The following ITGB6 variants were observed in gnomAD, a reference collection of about 807,000 sequenced individuals.
The protein encoded by ITGB6 is integrin beta-6.
ITGB6 carries 80 observed loss-of-function variants against 84.5 expected under a neutral mutation model. The observed-to-expected ratio is 0.95, with a 90% CI of 0.79 to 1.14. The LOEUF is 1.14. Ranked by LOEUF, ITGB6 falls within the 50% of genes most tolerant of loss-of-function variation. ITGB6 has a pLI of 0.00. For synonymous variants in ITGB6, 383 were observed against 354.9 expected (o/e 1.08, Z -0.89); for missense variants, 1,006 against 968.0 (o/e 1.04, Z -0.52).
chr2:160,152,477 C>A (rs1684464289), intron 7 of ITGB6, among the ~76,000 whole-genome samples: 1 of 152,194 alleles, frequency 6.6e-6, no homozygotes, highest in African/African-American at 2.4e-5. Context: ...TATGACAAAC[C>A]CACAGCCAAT....
intron 4 of ITGB6, among the ~76,000 whole-genome samples, chr2:160,174,408 C>G (rs563248077): frequency 1.3e-5 from 2 of 152,082 alleles, no homozygotes; most frequent in South Asian, 4.2e-4. Context: ...GGTGATCAGA[C>G]TCCAGTGTGT....
chr2:160,115,195 C>T (rs1682711577), intron 12 of ITGB6, among the ~76,000 whole-genome samples: 2 of 152,248 alleles, frequency 1.3e-5, no homozygotes, highest in Non-Finnish European at 2.9e-5. Context: ...GGCAGACTGC[C>T]TCCTCAAGTG....
At chr2:160,180,831 A>G (rs773535556) in intron 4 of ITGB6, among the ~76,000 whole-genome samples, 2 of 152,334 alleles carry the variant, frequency 1.3e-5, no homozygotes, top group Admixed American at 1.3e-4. Context: ...GGTGCAGCCT[A>G]CAAAGGGTGA....
At chr2:160,102,356 CA>C (rs1267772426) in intron 14 of ITGB6, among the ~76,000 whole-genome samples, 2 of 152,276 alleles carry the variant, frequency 1.3e-5, no homozygotes, top group African/African-American at 4.8e-5. Flanking sequence ...AAGATGAAAT[CA>C]AAACTCAGAA....
rs751147195 is a variant in ITGB6 at position 160,101,800 on chromosome 2, G to A, written c.2303C>T (p.Thr768Ile). The change falls in exon 15 of 15, where the codon ACT (threonine) becomes ATT (isoleucine). Residue 768 changes from threonine (T) to isoleucine (I), a missense_variant. Coordinates refer to ENST00000283249, the MANE Select transcript of ITGB6 (RefSeq NM_000888.5). The part of the protein sequence containing the change: ...TNPLYRGSTS[T>I]FKNVTYKHRE... Reference sequence around the variant, plus strand: ...GTGTTTATAAGTTACATTTTTAAAAGTACTTGTGGATCCTCTGTAGAGTGG... The same window carrying A: ...GTGTTTATAAGTTACATTTTTAAAAATACTTGTGGATCCTCTGTAGAGTGG... 3.8e-6 allele frequency: 6 copies of A among 1,597,232 alleles called. No individual in the cohort carries two copies. In the African/African-American group the frequency reaches 6.7e-5, roughly 18 times the overall value.
intron 13 of ITGB6, among the ~76,000 whole-genome samples, chr2:160,111,609 T>TTG (rs1250447704): frequency 6.6e-6 from 1 of 151,014 alleles, no homozygotes; most frequent in Admixed American, 6.6e-5. Flanking sequence ...GTTTTTTTTT[T>TTG]TTTTTGGCAG....
At chr2:160,147,258 C>T (rs1684233636) in intron 7 of ITGB6, among the ~76,000 whole-genome samples, 1 of 152,068 alleles carries the variant, frequency 6.6e-6, no homozygotes, top group African/African-American at 2.4e-5. Context: ...TACTCCTCCC[C>T]ACAAAAGCAC....
chr2:160,199,905 G>A (rs775246095), intron 1 of ITGB6, 98 bp downstream of exon 1: 10 of 935,450 alleles, frequency 1.1e-5, no homozygotes, highest in African/African-American at 1.6e-5. Context: ...CAATGGAACA[G>A]ATCAAATAAA....
In ITGB6 at chr2:160,101,601, G is replaced by A. The variant is rs1696720693; in HGVS notation, c.*135C>T. ...GCCAACAGTCTGTCACCTTCATGTA[G>A]AGGATGACTTATCTGCAGATGTCCT... On this transcript the variant is annotated 3_prime_UTR_variant, in exon 15 of 15. Coordinates refer to ENST00000283249, the MANE Select transcript of ITGB6 (RefSeq NM_000888.5). The A allele has an allele frequency of 1.5e-6, 1 of 660,804 alleles. No individual in the cohort carries two copies. Among genetic ancestry groups the A allele is most frequent in the South Asian group, 1.7e-5 (1 of 58,472 alleles). The allele number at this position is 660,804 out of a possible 1,614,324, so 40.9% of individuals were successfully genotyped here.
intron 7 of ITGB6, among the ~76,000 whole-genome samples, chr2:160,160,618 C>T (rs1216781716): frequency 6.6e-6 from 1 of 152,088 alleles, no homozygotes; most frequent in Non-Finnish European, 1.5e-5. Flanking sequence ...ATAGAAAATA[C>T]TCTTAAACTC....
intron 7 of ITGB6, among the ~76,000 whole-genome samples, chr2:160,164,576 A>T (rs1684935269): frequency 6.6e-6 from 1 of 152,044 alleles, no homozygotes; most frequent in Non-Finnish European, 1.5e-5. Flanking sequence ...CACATCTGTA[A>T]TCCTAGCTAC....
rs370516160 is a variant in ITGB6, at chr2:160,141,696, C to G, written c.1107+286G>C. ...GAGCTTAATTGTATGACTCGTGGAG[C>G]CTTTAAAATTTTGCGGCAACAATGT... On this transcript the variant is annotated intron_variant, in intron 8 of 14. Coordinates refer to ENST00000283249, the MANE Select transcript of ITGB6 (RefSeq NM_000888.5). Among the ~76,000 whole-genome samples, 21 of 152,016 alleles carry G rather than the reference C, an allele frequency of 1.4e-4. No homozygotes were observed. The South Asian group carries it at 1.9e-3, about 14-fold the overall frequency.
chr2:160,111,564 G>A (rs1363453468), intron 13 of ITGB6, among the ~76,000 whole-genome samples: 1 of 149,832 alleles, frequency 6.7e-6, no homozygotes, highest in Non-Finnish European at 1.5e-5. Context: ...ATTTCAGGAA[G>A]ATGATGACTG....
intron 12 of ITGB6, among the ~76,000 whole-genome samples, chr2:160,118,988 A>G (rs574942897): frequency 3.9e-5 from 6 of 152,318 alleles, no homozygotes; most frequent in African/African-American, 1.4e-4. Flanking sequence ...AAGGAGAACT[A>G]CAAACCACTG....
intron 4 of ITGB6, chr2:160,178,962 G>A (rs1371298856): frequency 6.6e-6 from 1 of 152,036 alleles, no homozygotes; most frequent in African/African-American, 2.4e-5. Flanking sequence ...CTCCAAAAGT[G>A]CTGGGATTAC....
At chr2:160,148,574 C>T (rs543014760) in intron 7 of ITGB6, among the ~76,000 whole-genome samples, 7 of 152,284 alleles carry the variant, frequency 4.6e-5, no homozygotes, top group South Asian at 2.1e-4. Flanking sequence ...ACTGAGGTAC[C>T]TGCTTCATCT....
intron 12 of ITGB6, among the ~76,000 whole-genome samples, chr2:160,117,152 C>A (rs1385382965): frequency 6.6e-6 from 1 of 152,046 alleles, no homozygotes; most frequent in East Asian, 1.9e-4. Flanking sequence ...CCCAGCTCTG[C>A]ACCAAGCGGA....
intron 7 of ITGB6, among the ~76,000 whole-genome samples, chr2:160,154,941 G>A (rs1684568161): frequency 6.6e-6 from 1 of 152,188 alleles, no homozygotes; most frequent in Non-Finnish European, 1.5e-5. Flanking sequence ...GAGGTGAATG[G>A]ATCATGGGGT....
intron 7 of ITGB6, among the ~76,000 whole-genome samples, chr2:160,148,443 T>C (rs1478451163): frequency 6.6e-6 from 1 of 152,198 alleles, no homozygotes; most frequent in Non-Finnish European, 1.5e-5. Flanking sequence ...GATCCAGTGA[T>C]CAAACTCTTT....
Sources: allele counts gnomAD v4.1 joint callset (sites outside exome capture counted in the v4.1 genomes callset), GRCh38; gene constraint gnomAD v4.1.1; transcripts MANE v1.5; gene names NCBI Gene and HGNC (gene_info 2026-07-23, HGNC 2026-07-21).